NKAIN3: variants seen among roughly 807,000 people sequenced by gnomAD.
NKAIN3 encodes the protein sodium/potassium-transporting ATPase subunit beta-1-interacting protein 3.
A neutral mutation model predicts 30.2 loss-of-function variants in NKAIN3; 25 were observed. The ratio of observed to expected loss-of-function variants is 0.83; its 90% confidence interval spans 0.60 to 1.16. The LOEUF (loss-of-function observed/expected upper bound fraction) is 1.16, where lower values mean the gene tolerates loss of function less well. Ranked by LOEUF, NKAIN3 falls within the 50% of genes most tolerant of loss-of-function variation. NKAIN3 has a pLI of 0.00. For synonymous variants in NKAIN3, 91 were observed against 89.6 expected (o/e 1.02, Z -0.09); for missense variants, 225 against 254.1 (o/e 0.89, Z 0.78).
intron 1 of NKAIN3, among the ~76,000 whole-genome samples, chr8:62,435,057 C>T (rs946812494): frequency 2.0e-5 from 3 of 152,022 alleles, no homozygotes; most frequent in African/African-American, 4.8e-5. Flanking sequence ...CAGAGGAGGA[C>T]AGGAGAAGAG....
At chr8:62,640,617 T>C (rs1416170120) in intron 3 of NKAIN3, among the ~76,000 whole-genome samples, 1 of 152,156 alleles carries the variant, frequency 6.6e-6, no homozygotes. Context: ...TTCTAGCCCT[T>C]CTTTCCTCTG....
intron 4 of NKAIN3, among the ~76,000 whole-genome samples, chr8:62,838,296 G>A (rs1323450792): frequency 2.0e-5 from 3 of 151,306 alleles, no homozygotes; most frequent in Non-Finnish European, 4.4e-5. Flanking sequence ...ATCATCAGAG[G>A]CAAAGTGAAT....
rs904797121 is a variant in NKAIN3, at chr8:62,971,357, C to T, written c.*5950C>T. Among the ~76,000 whole-genome samples the T allele has an allele frequency of 5.9e-5, 9 of 152,180 alleles. No homozygotes were observed. Among genetic ancestry groups the T allele is most frequent in the African/African-American group, 2.2e-4 (9 of 41,464 alleles). ...GCTTAACTAAAAAGTAAGAGCTTTG[C>T]TGGACATGGTGGCTTATGCCTGTAA... On this transcript the variant is annotated 3_prime_UTR_variant, in exon 7 of 7. Transcript: ENST00000623646.
rs370288600 is a variant in NKAIN3 at position 62,488,492 on chromosome 8, CT to C, written c.55-91045del. Among the ~76,000 whole-genome samples, 606 of 152,274 alleles carry C rather than the reference CT, an allele frequency of 4.0e-3. 1 individual carries two copies. Among genetic ancestry groups the C allele is most frequent in the African/African-American group, 0.014 (567 of 41,576 alleles). ...ACAGCTAAAATCCTTTCTTTTTCAT[CT>C]TCATATCCCTATTGCCTAGCTGAAT... On this transcript the variant is annotated intron_variant, in intron 1 of 6. Transcript: ENST00000623646.
chr8:62,909,594 T>A (rs1211137991), intron 4 of NKAIN3, among the ~76,000 whole-genome samples: 1 of 152,162 alleles, frequency 6.6e-6, no homozygotes, highest in Non-Finnish European at 1.5e-5. Flanking sequence ...AATCAAGAAC[T>A]ACACAACAGT....
chr8:62,606,723 C>T (rs1017249055), intron 3 of NKAIN3, among the ~76,000 whole-genome samples: 2 of 152,056 alleles, frequency 1.3e-5, no homozygotes, highest in African/African-American at 4.8e-5. Context: ...TTATTTTTGT[C>T]CTGTAATTAT....
In NKAIN3 at chr8:62,855,248, C is replaced by A. The variant is rs375780082; in HGVS notation, c.472-63205C>A. 5 of 438,556 alleles carry A rather than the reference C, an allele frequency of 1.1e-5. No individual in the cohort carries two copies. The East Asian group carries it at 1.5e-4, about 13-fold the overall frequency. 27.2% of individuals were successfully genotyped at this position (438,556 alleles called of 1,614,324 possible). A position where few individuals can be genotyped will look rare whatever the true frequency, so the allele number is the denominator to read the frequency against. On this transcript the variant is annotated intron_variant, in intron 4 of 6. Coordinates refer to ENST00000623646, the MANE Select transcript of NKAIN3 (RefSeq NM_001304533.3). ...GAAACACATTTTAACTGGCTGGGAA[C>A]AAGGCCTGCCAGCCTGGCCACAGTG... is the stretch of plus-strand genomic sequence containing the variant.
chr8:62,336,031 C>G (rs756655212), intron 1 of NKAIN3, among the ~76,000 whole-genome samples: 2 of 152,030 alleles, frequency 1.3e-5, no homozygotes, highest in Non-Finnish European at 2.9e-5. Context: ...TCAGATATTT[C>G]TGAGAGGTCA....
At chr8:62,426,773 CT>C (rs1190865380) in intron 1 of NKAIN3, among the ~76,000 whole-genome samples, 10 of 151,854 alleles carry the variant, frequency 6.6e-5, no homozygotes, top group East Asian at 1.9e-4. Flanking sequence ...TTTAGTTTTC[CT>C]TTTTTTTCCC....
At chr8:62,535,988 G>C (rs1271329139) in intron 1 of NKAIN3, among the ~76,000 whole-genome samples, 1 of 152,122 alleles carries the variant, frequency 6.6e-6, no homozygotes, top group African/African-American at 2.4e-5. Flanking sequence ...GGAGTTATGA[G>C]CCAGGAACCA....
At chr8:62,561,525 G>A (rs1242390287) in intron 1 of NKAIN3, among the ~76,000 whole-genome samples, 1 of 152,106 alleles carries the variant, frequency 6.6e-6, no homozygotes, top group African/African-American at 2.4e-5. Flanking sequence ...AGCAATGTAG[G>A]AATTACTCTA....
intron 5 of NKAIN3, among the ~76,000 whole-genome samples, chr8:62,933,684 T>A (rs1822690911): frequency 6.6e-6 from 1 of 152,172 alleles, no homozygotes; most frequent in Non-Finnish European, 1.5e-5. Flanking sequence ...GCACTGAGTA[T>A]GAGAAACATC....
Position 62,977,290 on chromosome 8 carries a change from T to C in NKAIN3, c.*11883T>C, listed in dbSNP as rs964866757. 1.3e-5 allele frequency among the ~76,000 whole-genome samples: 2 copies of C among 152,186 alleles called. No individual in the cohort carries two copies. The highest frequency in any genetic ancestry group is 4.8e-5 in the African/African-American group (2 of 41,454). ...CTGGATTATATCCTAAATTGTGCTT[T>C]CCAACTTGATTCCATTCTCCCCATC... is the stretch of plus-strand genomic sequence containing the variant. On this transcript the variant is annotated 3_prime_UTR_variant, in exon 7 of 7. Transcript: ENST00000623646.
At chr8:62,437,797 T>C (rs530007210) in intron 1 of NKAIN3, among the ~76,000 whole-genome samples, 28 of 152,282 alleles carry the variant, frequency 1.8e-4, no homozygotes, top group African/African-American at 6.3e-4. Flanking sequence ...ATCAACACAG[T>C]TAATTAGATT....
chr8:62,598,511 A>G (rs909118070), intron 3 of NKAIN3, among the ~76,000 whole-genome samples: 7 of 152,020 alleles, frequency 4.6e-5, no homozygotes, highest in Admixed American at 4.6e-4. Context: ...TTTTGCCTTC[A>G]CCTAAGTTGG....
At chr8:62,333,487 G>A (rs1007057701) in intron 1 of NKAIN3, among the ~76,000 whole-genome samples, 1 of 152,032 alleles carries the variant, frequency 6.6e-6, no homozygotes, top group African/African-American at 2.4e-5. Flanking sequence ...GAGGTTTAAT[G>A]TCAATTAAGA....
intron 3 of NKAIN3, among the ~76,000 whole-genome samples, chr8:62,606,111 C>CTAA (rs1811118604): frequency 6.6e-6 from 1 of 152,038 alleles, no homozygotes; most frequent in Non-Finnish European, 1.5e-5. Flanking sequence ...GTCGATCCAC[C>CTAA]ATCTCCATCT....
chr8:62,826,380 C>G (rs1819025652), intron 4 of NKAIN3, among the ~76,000 whole-genome samples: 1 of 152,080 alleles, frequency 6.6e-6, no homozygotes, highest in Non-Finnish European at 1.5e-5. Context: ...ATTATGATGG[C>G]AGATCAAACC....
chr8:62,323,877 C>T (rs1321525587), intron 1 of NKAIN3, among the ~76,000 whole-genome samples: 1 of 151,780 alleles, frequency 6.6e-6, no homozygotes, highest in African/African-American at 2.4e-5. Context: ...CTGAATAATT[C>T]CAAATATATG....
Sources: allele counts gnomAD v4.1 joint callset (sites outside exome capture counted in the v4.1 genomes callset), GRCh38; gene constraint gnomAD v4.1.1; transcripts MANE v1.5; gene names NCBI Gene and HGNC (gene_info 2026-07-23, HGNC 2026-07-21).